FCER1A: variants seen among roughly 807,000 people sequenced by gnomAD.
The protein encoded by FCER1A is Fc epsilon receptor Ia.
In FCER1A, 24 loss-of-function variants were observed where a neutral mutation model predicts 23.6. That is an observed-to-expected ratio of 1.02 (90% confidence interval 0.74 to 1.43). FCER1A has a LOEUF of 1.43. Ranked by LOEUF, FCER1A falls within the 40% of genes most tolerant of loss-of-function variation. The probability of loss-of-function intolerance (pLI) is 0.00; values close to 1 mark genes in which losing one functional copy is unlikely to be tolerated. For synonymous variants in FCER1A, 121 were observed against 108.8 expected (o/e 1.11, Z -0.70); for missense variants, 318 against 294.5 (o/e 1.08, Z -0.58).
Position 159,306,026 on chromosome 1 carries a change from G to C in FCER1A, c.370G>C (p.Glu124Gln), listed in dbSNP as rs774128910. Reference protein sequence around the residue: ...LLQASAEVVMEGQPLFLRCHG... With the variant: ...LLQASAEVVMQGQPLFLRCHG... ...TCAGGCCTCTGCTGAGGTGGTGATG[G>C]AGGGCCAGCCCCTCTTCCTCAGGTG... The change falls in exon 4 of 5, where the codon GAG becomes CAG. Residue 124 changes from glutamate to glutamine, a missense_variant. Physicochemically the swap from Glu to Gln is conservative, Grantham distance 29. Coordinates refer to ENST00000693622, the MANE Select transcript of FCER1A (RefSeq NM_001387280.1). 1.9e-6 allele frequency: 3 copies of C among 1,613,948 alleles called. No homozygotes were observed. The highest frequency in any genetic ancestry group is 2.5e-6 in the Non-Finnish European group (3 of 1,179,888).
chr1:159,297,181 C>T (rs889240901), intron 1 of FCER1A, among the ~76,000 whole-genome samples: 3 of 152,156 alleles, frequency 2.0e-5, no homozygotes, highest in Non-Finnish European at 2.9e-5. Flanking sequence ...TTCTCTGTCT[C>T]GTACCACACC....
At chr1:159,298,994 T>C (rs910948435), upstream of FCER1A, among the ~76,000 whole-genome samples, 2 of 152,240 alleles carry the variant, frequency 1.3e-5, no homozygotes, top group African/African-American at 4.8e-5. Flanking sequence ...ATCTATCTGG[T>C]CATGAGCATG....
chr1:159,294,903 A>G (rs1652254843), intron 1 of FCER1A, among the ~76,000 whole-genome samples: 2 of 152,180 alleles, frequency 1.3e-5, no homozygotes, highest in African/African-American at 4.8e-5. Context: ...TAGTTTGCTC[A>G]TTCTGAAAAA....
At chr1:159,286,394 G>A (rs1426846726), upstream of FCER1A, among the ~76,000 whole-genome samples, 2 of 151,224 alleles carry the variant, frequency 1.3e-5, no homozygotes, top group Non-Finnish European at 1.5e-5. Context: ...GTGCAGTGGC[G>A]CAGTCTCGGC....
intron 2 of FCER1A, among the ~76,000 whole-genome samples, chr1:159,303,425 T>A (rs1414777201): frequency 6.6e-6 from 1 of 150,516 alleles, no homozygotes; most frequent in African/African-American, 2.4e-5. Flanking sequence ...CTGACATATG[T>A]TTTTCACTCT....
intron 3 of FCER1A, among the ~76,000 whole-genome samples, chr1:159,304,601 C>G (rs146399091): frequency 3.2e-4 from 48 of 152,160 alleles, no homozygotes; most frequent in Admixed American, 6.5e-4. Context: ...AGCAAGACTC[C>G]GTCTCAAAAA....
At chr1:159,288,456 A>G (rs1319334317), upstream of FCER1A, among the ~76,000 whole-genome samples, 2 of 143,654 alleles carry the variant, frequency 1.4e-5, no homozygotes, top group African/African-American at 6.0e-5. Flanking sequence ...TTGTGACACT[A>G]CTATCTCCTG....
chr1:159,285,018 G>T (rs1651981648), upstream of FCER1A, among the ~76,000 whole-genome samples: 1 of 152,098 alleles, frequency 6.6e-6, no homozygotes, highest in Non-Finnish European at 1.5e-5. Flanking sequence ...TTTGAGTCTA[G>T]ACTAGGGTTT....
intron 1 of FCER1A, among the ~76,000 whole-genome samples, chr1:159,296,266 C>A (rs1652290620): frequency 6.6e-6 from 1 of 152,120 alleles, no homozygotes; most frequent in Non-Finnish European, 1.5e-5. Flanking sequence ...ACTGGATCTA[C>A]CTCTGCTACT....
rs1557970989 is a variant in FCER1A, at chr1:159,307,787, T to G, written c.629T>G (p.Leu210Trp). 6.2e-7 allele frequency: 1 copy of G among 1,612,392 alleles called. No homozygotes were observed. The highest frequency in any genetic ancestry group is 1.3e-5 in the African/African-American group (1 of 75,044). ...EKYWLQFFIP[L>W]LVVILFAVDT... ...TACTGGCTACAATTTTTTATCCCAT[T>G]GTTGGTGGTGATTCTGTTTGCTGTG... The change falls in exon 5 of 5, where the codon TTG becomes TGG. Residue 210 changes from leucine to tryptophan, a missense_variant. Transcript: ENST00000693622.
At chr1:159,293,062 A>G (rs1271853468) in intron 1 of FCER1A, among the ~76,000 whole-genome samples, 1 of 152,088 alleles carries the variant, frequency 6.6e-6, no homozygotes, top group African/African-American at 2.4e-5. Flanking sequence ...TATTTTCTTT[A>G]TAAATTTCAG....
At chr1:159,299,546 A>C (rs367937567), upstream of FCER1A, among the ~76,000 whole-genome samples, 1 of 152,208 alleles carries the variant, frequency 6.6e-6, no homozygotes, top group Non-Finnish European at 1.5e-5. Context: ...AAAATGAAAT[A>C]TAGATTAAGG....
chr1:159,300,917 A>G (rs1652414191), upstream of FCER1A, among the ~76,000 whole-genome samples: 1 of 152,200 alleles, frequency 6.6e-6, no homozygotes, highest in Non-Finnish European at 1.5e-5. Flanking sequence ...AACAACTTGT[A>G]CTTTTCAAAA....
In FCER1A at chr1:159,308,088, C is replaced by A; in HGVS notation, c.*156C>A. On this transcript the variant is annotated 3_prime_UTR_variant, in exon 5 of 5. Transcript: ENST00000693622. ...AAACTGAGTGAAACTGGTTAAGTGG[C>A]ATGTAATAGTAAGTGCTCAATTAAC... 2 of 509,008 alleles carry A rather than the reference C, an allele frequency of 3.9e-6. No homozygotes were observed. The highest frequency in any genetic ancestry group is 6.9e-6 in the Non-Finnish European group (2 of 289,058). 31.5% of individuals were successfully genotyped at this position (509,008 alleles called of 1,614,324 possible).
chr1:159,295,517 T>C (rs188391890), intron 1 of FCER1A, among the ~76,000 whole-genome samples: 1 of 152,312 alleles, frequency 6.6e-6, no homozygotes, highest in African/African-American at 2.4e-5. Context: ...TTCCTAATTA[T>C]AATAAACACT....
chr1:159,284,374 G>T, the FCER1A span, among the ~76,000 whole-genome samples: 2 of 152,188 alleles, frequency 1.3e-5, no homozygotes, highest in Non-Finnish European at 2.9e-5. Context: ...AAACAGCCAT[G>T]AACTTCCAAT....
At chr1:159,290,957 G>A (rs1402279479) in intron 1 of FCER1A, among the ~76,000 whole-genome samples, 1 of 152,110 alleles carries the variant, frequency 6.6e-6, no homozygotes, top group East Asian at 1.9e-4. Flanking sequence ...ATACATTGCA[G>A]TTTCTCTGAT....
chr1:159,300,655 A>G (rs960813817), upstream of FCER1A, among the ~76,000 whole-genome samples: 8 of 152,220 alleles, frequency 5.3e-5, no homozygotes, highest in East Asian at 1.5e-3. Context: ...TAGGTTGACA[A>G]TAACTTTAAT....
Position 159,307,857 on chromosome 1 carries a change from C to G in FCER1A, c.699C>G (p.Leu233=). ...FISTQQQVTF[L]LKIKRTRKGF... Reference sequence around the variant, plus strand: ...CAACTCAGCAGCAGGTCACATTTCTCTTGAAGATTAAGAGAACCAGGAAAG... The same window carrying G: ...CAACTCAGCAGCAGGTCACATTTCTGTTGAAGATTAAGAGAACCAGGAAAG... The change falls in exon 5 of 5, where the codon CTC becomes CTG. Residue 233 remains leucine (L), a synonymous_variant. Transcript: ENST00000693622. 1.2e-6 allele frequency: 2 copies of G among 1,613,738 alleles called. No homozygotes were observed. The highest frequency in any genetic ancestry group is 1.7e-6 in the Non-Finnish European group (2 of 1,179,716).
Sources: allele counts gnomAD v4.1 joint callset (sites outside exome capture counted in the v4.1 genomes callset), GRCh38; gene constraint gnomAD v4.1.1; transcripts MANE v1.5; gene names NCBI Gene and HGNC (gene_info 2026-07-23, HGNC 2026-07-21).